Variants in GTF3C1 observed in about 807,000 individuals in gnomAD.
GTF3C1 encodes general transcription factor 3C polypeptide 1.
A neutral mutation model predicts 226.7 loss-of-function variants in GTF3C1; 57 were observed. The observed-to-expected ratio is 0.25, with a 90% CI of 0.20 to 0.31. GTF3C1 has a LOEUF of 0.31. GTF3C1 is among the 10% of genes least tolerant of loss of function. The pLI is 1.00. For synonymous variants in GTF3C1, 1,090 were observed against 1,084.8 expected, an observed-to-expected ratio of 1.00 and a Z score of -0.09; for missense variants, 2,217 against 2,776.1, an observed-to-expected ratio of 0.80 and a Z score of 4.53.
In GTF3C1 at chr16:27,479,922, C is replaced by T. The variant is rs111611548; in HGVS notation, c.4196+1157G>A. 9.2e-5 allele frequency among the ~76,000 whole-genome samples: 14 copies of T among 152,048 alleles called. No individual in the cohort carries two copies. The Middle Eastern group carries it at 0.01, about 111-fold the overall frequency. On this transcript the variant is annotated intron_variant, in intron 27 of 36. Coordinates refer to ENST00000356183, the MANE Select transcript of GTF3C1 (RefSeq NM_001520.4). ...TTCTTTTATGATTAAAAATTGTGGCCGGGTGCGGTGGCTCATGCCTGTAAT... is the reference window on the plus strand; with the variant it reads ...TTCTTTTATGATTAAAAATTGTGGCTGGGTGCGGTGGCTCATGCCTGTAAT...
chr16:27,529,434 C>CT (rs2088882117), intron 5 of GTF3C1, among the ~76,000 whole-genome samples: 1 of 140,114 alleles, frequency 7.1e-6, no homozygotes, highest in Non-Finnish European at 1.5e-5. Context: ...GAGTGAGACT[C>CT]TGTTTCAAAA....
chr16:27,500,444 A>C (rs994956204), intron 12 of GTF3C1, among the ~76,000 whole-genome samples: 2 of 152,262 alleles, frequency 1.3e-5, no homozygotes, highest in Non-Finnish European at 2.9e-5. Flanking sequence ...TTTCTCAAAA[A>C]ATAAAAGCAG....
chr16:27,522,529 G>A (rs2088764981), intron 6 of GTF3C1, among the ~76,000 whole-genome samples: 1 of 152,206 alleles, frequency 6.6e-6, no homozygotes, highest in Non-Finnish European at 1.5e-5. Flanking sequence ...TAAAAAGCAG[G>A]AAGTGTGAGT....
chr16:27,535,043 C>T (rs2141449785), intron 4 of GTF3C1, among the ~76,000 whole-genome samples: 1 of 152,118 alleles, frequency 6.6e-6, no homozygotes, highest in East Asian at 1.9e-4. Context: ...TCATTCATTA[C>T]CATAAAATAT....
chr16:27,490,289 T>C (rs1022239138), intron 19 of GTF3C1, among the ~76,000 whole-genome samples: 2 of 152,230 alleles, frequency 1.3e-5, no homozygotes, highest in African/African-American at 4.8e-5. Context: ...TGATATCCAG[T>C]TATTCTGTAA....
At chr16:27,505,726 A>T (rs1567402045) in intron 10 of GTF3C1, among the ~76,000 whole-genome samples, 173 bp downstream of exon 10, 1 of 152,212 alleles carries the variant, frequency 6.6e-6, no homozygotes, top group Non-Finnish European at 1.5e-5. Context: ...AGGCTGCGTG[A>T]AAGTGGTGTG....
At chr16:27,464,217 G>T in intron 34 of GTF3C1, 103 bp downstream of exon 34, 1 of 652,276 alleles carries the variant, frequency 1.5e-6, no homozygotes, top group Non-Finnish European at 2.3e-6. Flanking sequence ...TTGTGCCAGT[G>T]GCAGGTCCCC....
chr16:27,500,318 A>C (rs915129779), intron 12 of GTF3C1, among the ~76,000 whole-genome samples: 3 of 152,302 alleles, frequency 2.0e-5, no homozygotes, highest in Admixed American at 2.0e-4. Flanking sequence ...AGGGGACATT[A>C]TTGTTTTATT....
chr16:27,484,947 T>C (rs998846315), intron 24 of GTF3C1, among the ~76,000 whole-genome samples: 4 of 152,222 alleles, frequency 2.6e-5, no homozygotes, highest in Non-Finnish European at 5.9e-5. Context: ...CACTGACCTA[T>C]GCAGGACCCT....
rs776127575 is a variant in GTF3C1, at chr16:27,471,129, T to C, written c.4526+619A>G. Among the ~76,000 whole-genome samples the C allele has an allele frequency of 3.9e-5, 6 of 152,240 alleles. No individual in the cohort carries two copies. Among genetic ancestry groups the C allele is most frequent in the Non-Finnish European group, 8.8e-5 (6 of 68,034 alleles). ...ATTCATGGTGCTGTCTCTGAGCATC[T>C]GACTGCAGCCCCGTGCAGACCTGAG... On this transcript the variant is annotated intron_variant, in intron 30 of 36. Coordinates refer to ENST00000356183, the MANE Select transcript of GTF3C1 (RefSeq NM_001520.4). This position sits in a 1 kb window ranked among gnomAD's most constrained non-coding sequence, Gnocchi z 5.0.
intron 28 of GTF3C1, among the ~76,000 whole-genome samples, chr16:27,477,736 C>T (rs572128295): frequency 3.5e-4 from 54 of 152,248 alleles, no homozygotes; most frequent in African/African-American, 1.2e-3. Flanking sequence ...CAACAGTAGG[C>T]TATCAGTGGT....
Position 27,470,325 on chromosome 16 carries a change from C to T in GTF3C1, c.4597G>A (p.Ala1533Thr), listed in dbSNP as rs1363611714. 1.9e-6 allele frequency: 3 copies of T among 1,613,778 alleles called. No homozygotes were observed. The highest frequency in any genetic ancestry group is 2.5e-6 in the Non-Finnish European group (3 of 1,179,630). ...SFQFLDRMRA[A>T]GKLDQPDRFS... ...CGATCAGGCTGGTCCAACTTGCCGG[C>T]AGCCCGCATTCTGTCCAAAAACTGG... Residue 1533 changes from alanine to threonine, a missense_variant, in exon 31 of 37, where the codon GCC becomes ACC. Physicochemically the swap from Ala to Thr is moderately conservative, Grantham distance 58. This residue lies in a region of GTF3C1 where 546 missense variants were observed against 663.0 expected (regional missense o/e 0.82). Transcript: ENST00000356183. This position sits in a 1 kb window ranked among gnomAD's most constrained non-coding sequence, Gnocchi z 4.9.
At chr16:27,509,625 G>C (rs1308033344) in intron 7 of GTF3C1, among the ~76,000 whole-genome samples, 1 of 151,832 alleles carries the variant, frequency 6.6e-6, no homozygotes, top group African/African-American at 2.4e-5. Flanking sequence ...GGGTGTGGTG[G>C]CGGGCGCCTG....
chr16:27,532,894 G>T (rs2088941672), intron 5 of GTF3C1, among the ~76,000 whole-genome samples: 1 of 152,168 alleles, frequency 6.6e-6, no homozygotes, highest in Non-Finnish European at 1.5e-5. Context: ...AGCACTTTGG[G>T]AAGCTGAGAC....
At chr16:27,521,338 C>A (rs890159693) in intron 6 of GTF3C1, among the ~76,000 whole-genome samples, 2 of 152,254 alleles carry the variant, frequency 1.3e-5, no homozygotes, top group Admixed American at 6.5e-5. Flanking sequence ...GCGAGAAAAT[C>A]TTAGGGCCTC....
At chr16:27,538,987 C>T (rs1179914749) in intron 2 of GTF3C1, among the ~76,000 whole-genome samples, 1 of 147,494 alleles carries the variant, frequency 6.8e-6, no homozygotes, top group African/African-American at 2.5e-5. Context: ...CACACACACA[C>T]ACACACACAC....
chr16:27,502,455 C>G (rs897778913), intron 11 of GTF3C1, among the ~76,000 whole-genome samples: 7 of 152,192 alleles, frequency 4.6e-5, no homozygotes, highest in Non-Finnish European at 8.8e-5. Flanking sequence ...CTAGAAGACT[C>G]TATTTGCGCA....
At position 27,471,064 on chromosome 16, in the gene GTF3C1, C is replaced by A. The variant is rs1204569521; in HGVS notation, c.4527-669G>T. Among the ~76,000 whole-genome samples the A allele has an allele frequency of 6.6e-6, 1 of 152,162 alleles. No individual in the cohort carries two copies. Among genetic ancestry groups the A allele is most frequent in the Non-Finnish European group, 1.5e-5 (1 of 68,034 alleles). On this transcript the variant is annotated intron_variant, in intron 30 of 36. Coordinates refer to ENST00000356183, the MANE Select transcript of GTF3C1 (RefSeq NM_001520.4). The surrounding 1 kb of genome is among the most constrained non-coding windows in gnomAD (Gnocchi z 5.0). ...GGGTCTGGGGAGGAGGAAGTGTCTG[C>A]CGTCGTGGGGAAGGGATGGGATCAA...
chr16:27,525,761 T>C (rs1174820094), intron 6 of GTF3C1, among the ~76,000 whole-genome samples: 1 of 152,246 alleles, frequency 6.6e-6, no homozygotes, highest in Non-Finnish European at 1.5e-5. Context: ...CACAGGCAAC[T>C]TGCTATGCCC....
Sources: allele counts gnomAD v4.1 joint callset (sites outside exome capture counted in the v4.1 genomes callset), GRCh38; gene constraint gnomAD v4.1.1; regional missense constraint gnomAD v4.1.1; non-coding constraint Gnocchi (gnomAD v3.1); transcripts MANE v1.5; gene names NCBI Gene and HGNC (gene_info 2026-07-23, HGNC 2026-07-21).